Variants in RBM27 observed in about 807,000 individuals in gnomAD.
The protein encoded by RBM27 is RNA binding motif protein 27, also known as RNA-binding protein 27.
In RBM27, 22 loss-of-function variants were observed where a neutral mutation model predicts 135.3. That is an observed-to-expected ratio of 0.16 (90% CI 0.12 to 0.23). The LOEUF is 0.23. RBM27 is among the 10% of genes least tolerant of loss of function. RBM27 has a pLI of 1.00. For synonymous variants in RBM27, 481 were observed against 442.4 expected, an observed-to-expected ratio of 1.09 and a Z score of -1.10; for missense variants, 1,009 against 1,281.0, an observed-to-expected ratio of 0.79 and a Z score of 3.24.
At chr5:146,271,194 A>C in intron 18 of RBM27, 136 bp downstream of exon 18, 1 of 636,216 alleles carries the variant, frequency 1.6e-6, no homozygotes, top group Non-Finnish European at 2.7e-6. Flanking sequence ...TGAGGTCAAG[A>C]GTTTGAGACA....
Position 146,263,479 on chromosome 5 carries a change from T to C in RBM27, c.2191-12T>C. On this transcript the variant is annotated splice_polypyrimidine_tract_variant and intron_variant, in intron 13 of 20. Coordinates refer to ENST00000265271, the MANE Select transcript of RBM27 (RefSeq NM_018989.2). ...AACTTCTGCCACATAAGTGTTCATT[T>C]TGTATGTGCAGATGATGAGCAAACC... 6.2e-7 allele frequency: 1 copy of C among 1,608,178 alleles called. No individual in the cohort carries two copies. Among genetic ancestry groups the C allele is most frequent in the Non-Finnish European group, 8.5e-7 (1 of 1,176,638 alleles).
At chr5:146,207,709 C>T (rs574286060) in intron 1 of RBM27, among the ~76,000 whole-genome samples, 56 of 145,376 alleles carry the variant, frequency 3.9e-4, no homozygotes, top group Non-Finnish European at 6.0e-4. Context: ...GGCTGGAGTG[C>T]AGTGGCACGA....
At chr5:146,258,633 G>A in intron 11 of RBM27, 40 bp downstream of exon 11, 1 of 1,453,402 alleles carries the variant, frequency 6.9e-7, no homozygotes, top group Non-Finnish European at 9.1e-7. Context: ...AATTGTTATT[G>A]TCGTTTGCAT....
At chr5:146,268,205 C>T (rs1240285826) in intron 15 of RBM27, among the ~76,000 whole-genome samples, 1 of 151,398 alleles carries the variant, frequency 6.6e-6, no homozygotes, top group African/African-American at 2.4e-5. Flanking sequence ...CAAAATTTTC[C>T]TGGTGAAATC....
chr5:146,272,709 C>T (rs768026099), intron 19 of RBM27, among the ~76,000 whole-genome samples: 23 of 147,184 alleles, frequency 1.6e-4, no homozygotes, highest in Non-Finnish European at 3.3e-4. Context: ...GCCACAAGAG[C>T]GAAACTCCAT....
At position 146,287,317 on chromosome 5, in the gene RBM27, A is replaced by T. The variant is rs1759623671; in HGVS notation, c.*1287A>T. The T allele has an allele frequency of 6.6e-6, 1 of 152,106 alleles. No individual in the cohort carries two copies. Among genetic ancestry groups the T allele is most frequent in the Non-Finnish European group, 1.5e-5 (1 of 67,982 alleles). The allele number at this position is 152,106 out of a possible 1,614,324, so 9.4% of individuals were successfully genotyped here. On this transcript the variant is annotated 3_prime_UTR_variant, in exon 21 of 21. Transcript: ENST00000265271. ...TTTTACTGTACACTGTATAGAGTAG[A>T]GTATCTGTTAAGTAAAATATATATG... is the stretch of plus-strand genomic sequence containing the variant.
chr5:146,285,295 C>G (rs568766256), intron 20 of RBM27, among the ~76,000 whole-genome samples: 1 of 152,010 alleles, frequency 6.6e-6, no homozygotes, highest in Non-Finnish European at 1.5e-5. Flanking sequence ...GGCTATATTG[C>G]GAGGTTTTCC....
intron 9 of RBM27, among the ~76,000 whole-genome samples, chr5:146,252,436 A>ATAAT (rs1382520697): frequency 6.6e-6 from 1 of 152,190 alleles, no homozygotes; most frequent in Non-Finnish European, 1.5e-5. Context: ...TCTTATTCTT[A>ATAAT]TAATTAACTA....
intron 1 of RBM27, among the ~76,000 whole-genome samples, chr5:146,207,435 TGAA>T (rs1362960768): frequency 1.3e-5 from 2 of 151,788 alleles, no homozygotes; most frequent in Non-Finnish European, 2.9e-5. Flanking sequence ...AGGCTGGTCT[TGAA>T]CTCCTGACCT....
rs1758673925 is a variant in RBM27 at position 146,267,655 on chromosome 5, T to G, written c.2338T>G (p.Ser780Ala). The change falls in exon 15 of 21, where the codon TCA becomes GCA. Residue 780 changes from serine to alanine, a missense_variant. Transcript: ENST00000265271. ...GGAGEDCQIF[S>A]TPGHPKMIYS... is the part of the protein sequence containing the mutation. ...TTTTTTCTTTATTTTTTAGATATTTTCAACTCCAGGCCATCCAAAAATGAT... is the reference window on the plus strand; with the variant it reads ...TTTTTTCTTTATTTTTTAGATATTTGCAACTCCAGGCCATCCAAAAATGAT... The G allele has an allele frequency of 1.9e-6, 3 of 1,548,216 alleles. No homozygotes were observed. Among genetic ancestry groups the G allele is most frequent in the Non-Finnish European group, 2.6e-6 (3 of 1,141,150 alleles).
In RBM27 at chr5:146,237,294, G is replaced by T. The variant is rs1315910586; in HGVS notation, c.1145-4G>T. 1 of 1,613,970 alleles carries T rather than the reference G, an allele frequency of 6.2e-7. No individual in the cohort carries two copies. Among genetic ancestry groups the T allele is most frequent in the Non-Finnish European group, 8.5e-7 (1 of 1,179,938 alleles). ...ACTTTTCACTTTTTGTTGTCTGTAT[G>T]TAGGACCACCTATAACACAATCAAG... On this transcript the variant is annotated splice_polypyrimidine_tract_variant and splice_region_variant and intron_variant, in intron 7 of 20. Coordinates refer to ENST00000265271, the MANE Select transcript of RBM27 (RefSeq NM_018989.2).
At chr5:146,221,423 A>G in intron 2 of RBM27, among the ~76,000 whole-genome samples, 1 of 152,206 alleles carries the variant, frequency 6.6e-6, no homozygotes, top group South Asian at 2.1e-4. Context: ...TATCTGGTAA[A>G]TAGGCCAGAG....
At position 146,261,281 on chromosome 5, in the gene RBM27, A is replaced by C. The variant is rs543325292; in HGVS notation, c.1894-229A>C. The stretch of plus-strand genomic sequence containing the variant: ...AAAGAGAAAGAGGGGGTCAGGGCAG[A>C]TCTCTTTCTCTTCTTTTAAGGCCAC... On this transcript the variant is annotated intron_variant, in intron 12 of 20. Transcript: ENST00000265271. 16 of 588,560 alleles carry C rather than the reference A, an allele frequency of 2.7e-5. No homozygotes were observed. The African/African-American group carries it at 2.8e-4, about 10-fold the overall frequency. 36.5% of individuals were successfully genotyped at this position (588,560 alleles called of 1,614,324 possible). A position where few individuals can be genotyped will look rare whatever the true frequency, so the allele number is the denominator to read the frequency against.
intron 15 of RBM27, 105 bp from the exon 16 acceptor site, chr5:146,269,102 T>A (rs1758750802): frequency 1.5e-6 from 1 of 683,936 alleles, no homozygotes; most frequent in East Asian, 2.6e-5. Flanking sequence ...TGTCAGCTAT[T>A]TTTTTATTAG....
At chr5:146,238,936 A>G (rs1428542816) in intron 8 of RBM27, among the ~76,000 whole-genome samples, 1 of 152,198 alleles carries the variant, frequency 6.6e-6, no homozygotes, top group African/African-American at 2.4e-5. Context: ...TGTTTTGAGT[A>G]ATAAATTAAT....
rs2126851362 is a variant in RBM27 at position 146,260,795 on chromosome 5, A to G, written c.1790A>G (p.Tyr597Cys). 1.9e-6 allele frequency: 3 copies of G among 1,613,496 alleles called. No individual in the cohort carries two copies. Among genetic ancestry groups the G allele is most frequent in the Middle Eastern group, 1.7e-4 (1 of 6,060 alleles). ...NKPGFLRKNQ[Y>C]TNTKLEVKKI... ...CCAGGGTTCTTACGAAAGAATCAGT[A>G]TACAAACACCAAATTAGAAGTCAAG... is the stretch of plus-strand genomic sequence containing the variant. The change falls in exon 12 of 21, where the codon TAT (tyrosine) becomes TGT (cysteine). Residue 597 changes from tyrosine to cysteine, a missense_variant. Physicochemically the swap from Tyr to Cys is radical, Grantham distance 194 (BLOSUM62 -2). Transcript: ENST00000265271.
chr5:146,282,710 C>T (rs1295263067), intron 19 of RBM27, among the ~76,000 whole-genome samples: 1 of 152,120 alleles, frequency 6.6e-6, no homozygotes, highest in Non-Finnish European at 1.5e-5. Context: ...TTTTGGTATT[C>T]ACAGAGAGTC....
intron 19 of RBM27, 39 bp downstream of exon 19, chr5:146,271,713 CT>C: frequency 6.6e-7 from 1 of 1,524,574 alleles, no homozygotes; most frequent in Non-Finnish European, 9.0e-7. Flanking sequence ...TGTAAAAACA[CT>C]GTGCTCATCA....
At chr5:146,267,420 T>G (rs1405487816) in intron 14 of RBM27, among the ~76,000 whole-genome samples, 2 of 152,200 alleles carry the variant, frequency 1.3e-5, no homozygotes, top group Non-Finnish European at 2.9e-5. Flanking sequence ...CTGATGTTGG[T>G]GTTTTGTGAA....
Sources: gnomAD v4.1 joint callset for allele counts (sites outside exome capture counted in the v4.1 genomes callset) on GRCh38, gnomAD v4.1.1 for gene constraint, MANE v1.5 for transcripts, NCBI Gene and HGNC (gene_info 2026-07-23, HGNC 2026-07-21) for gene names.